RPS6KA5: variants seen among roughly 807,000 people sequenced by gnomAD.
RPS6KA5 encodes ribosomal protein S6 kinase alpha-5.
Under a neutral mutation model 85.5 loss-of-function variants are expected in RPS6KA5, and 27 were observed. The observed-to-expected ratio is 0.32, with a 90% confidence interval of 0.23 to 0.44. The LOEUF (loss-of-function observed/expected upper bound fraction) is 0.44, where lower values mean the gene tolerates loss of function less well. RPS6KA5 is among the 20% of genes least tolerant of loss of function. The pLI is 1.00. For missense variants in RPS6KA5, 811 were observed against 980.9 expected (o/e 0.83, Z 2.31); for synonymous variants, 334 against 348.2 (o/e 0.96, Z 0.46).
intron 14 of RPS6KA5, among the ~76,000 whole-genome samples, chr14:90,880,580 T>C (rs949943369): frequency 1.3e-5 from 2 of 152,214 alleles, no homozygotes; most frequent in East Asian, 1.9e-4. Context: ...TTAGATCTAG[T>C]TGGTTAAGTC....
intron 5 of RPS6KA5, among the ~76,000 whole-genome samples, chr14:90,923,821 G>A (rs1029361037): frequency 1.3e-5 from 2 of 151,948 alleles, no homozygotes; most frequent in Non-Finnish European, 2.9e-5. Context: ...AAAGATAGAT[G>A]TTTCCTTTTT....
Position 90,868,499 on chromosome 14 carries a change from T to C in RPS6KA5, c.*3575A>G, listed in dbSNP as rs1454123358. ...CAATTATTTTGACATAAGTGGCATATCAGAATTTAACTTATTTACTTAGAT... is the reference window on the plus strand; with the variant it reads ...CAATTATTTTGACATAAGTGGCATACCAGAATTTAACTTATTTACTTAGAT... On this transcript the variant is annotated 3_prime_UTR_variant, in exon 17 of 17. Transcript: ENST00000614987. 1 of 152,204 alleles carries C rather than the reference T, an allele frequency of 6.6e-6. No individual in the cohort carries two copies. The highest frequency in any genetic ancestry group is 1.5e-5 in the Non-Finnish European group (1 of 68,018). 9.4% of individuals were successfully genotyped at this position (152,204 alleles called of 1,614,324 possible).
intron 12 of RPS6KA5, among the ~76,000 whole-genome samples, chr14:90,897,314 A>G (rs1219334858): frequency 1.3e-5 from 2 of 152,180 alleles, no homozygotes; most frequent in African/African-American, 4.8e-5. Context: ...CTTTAAGCCA[A>G]TGGGCCTGAT....
At chr14:90,881,693 G>A (rs2033852121) in intron 14 of RPS6KA5, among the ~76,000 whole-genome samples, 1 of 151,934 alleles carries the variant, frequency 6.6e-6, no homozygotes, top group African/African-American at 2.4e-5. Context: ...TAGAGATGGG[G>A]TTTCACCATG....
chr14:90,969,028 T>C (rs922773633), intron 3 of RPS6KA5, among the ~76,000 whole-genome samples: 3 of 152,234 alleles, frequency 2.0e-5, no homozygotes, highest in Non-Finnish European at 4.4e-5. Context: ...TGAAATAATA[T>C]TTCCTTCTTG....
At chr14:91,000,747 A>G (rs2040753511) in intron 2 of RPS6KA5, among the ~76,000 whole-genome samples, 1 of 152,150 alleles carries the variant, frequency 6.6e-6, no homozygotes, top group African/African-American at 2.4e-5. Flanking sequence ...GGTTGCAGTG[A>G]GCTGAGATCA....
At chr14:90,997,698 A>T (rs2040589843) in intron 2 of RPS6KA5, among the ~76,000 whole-genome samples, 1 of 152,162 alleles carries the variant, frequency 6.6e-6, no homozygotes, top group South Asian at 2.1e-4. Flanking sequence ...CTGTACAATG[A>T]AACAGTAAGT....
chr14:90,965,258 AC>A (rs1332071882), intron 3 of RPS6KA5, among the ~76,000 whole-genome samples: 3 of 152,046 alleles, frequency 2.0e-5, no homozygotes, highest in Non-Finnish European at 4.4e-5. Context: ...GGTGATGGGC[AC>A]CTGTAATCCC....
chr14:90,981,407 T>C (rs2039784759), intron 2 of RPS6KA5, among the ~76,000 whole-genome samples: 1 of 152,018 alleles, frequency 6.6e-6, no homozygotes, highest in African/African-American at 2.4e-5. Context: ...TTGTGTGGGG[T>C]TGTAAATATT....
chr14:91,052,090 T>C (rs1023111634), intron 1 of RPS6KA5, among the ~76,000 whole-genome samples: 2 of 151,892 alleles, frequency 1.3e-5, no homozygotes, highest in Non-Finnish European at 2.9e-5. Context: ...AAATGACTTA[T>C]CCCAGGTCAT....
chr14:90,895,599 T>C (rs2140211455), intron 12 of RPS6KA5, among the ~76,000 whole-genome samples: 1 of 152,084 alleles, frequency 6.6e-6, no homozygotes, highest in Non-Finnish European at 1.5e-5. Context: ...CAAAAAATAA[T>C]ACAGGAATTA....
At chr14:91,054,285 T>C (rs1010293658) in intron 1 of RPS6KA5, among the ~76,000 whole-genome samples, 1 of 151,858 alleles carries the variant, frequency 6.6e-6, no homozygotes, top group African/African-American at 2.4e-5. Context: ...AATTAGTCAA[T>C]GATTTCTTAG....
At chr14:90,993,836 C>G (rs1489886284) in intron 2 of RPS6KA5, among the ~76,000 whole-genome samples, 1 of 152,140 alleles carries the variant, frequency 6.6e-6, no homozygotes, top group Non-Finnish European at 1.5e-5. Context: ...TTGAACAGTG[C>G]CTCTACTCAT....
At chr14:90,933,376 C>T (rs2037090465) in intron 5 of RPS6KA5, among the ~76,000 whole-genome samples, 1 of 152,140 alleles carries the variant, frequency 6.6e-6, no homozygotes, top group Non-Finnish European at 1.5e-5. Flanking sequence ...CAGCCTACCC[C>T]ATATTAGTTG....
At position 91,044,293 on chromosome 14, in the gene RPS6KA5, GAA is replaced by G. The variant is rs750045283; in HGVS notation, c.103+16037_103+16038del. Among the ~76,000 whole-genome samples, 136 of 65,750 alleles carry G rather than the reference GAA, an allele frequency of 2.1e-3. 1 individual carries two copies. Among genetic ancestry groups the G allele is most frequent in the Admixed American group, 5.5e-3 (38 of 6,934 alleles). 43.1% of individuals were successfully genotyped at this position (65,750 alleles called of 152,430 possible). ...AGAGAGAAAGAAAGAGAGAGAGAGAGAAAGAGAGAGAAAGAGAGAGAGAGAAA... is the reference window on the plus strand; with the variant it reads ...AGAGAGAAAGAAAGAGAGAGAGAGAGAGAGAGAGAAAGAGAGAGAGAGAAA... On this transcript the variant is annotated intron_variant, in intron 1 of 16. Transcript: ENST00000614987.
chr14:90,911,078 A>C (rs1171344756), intron 7 of RPS6KA5, among the ~76,000 whole-genome samples: 3 of 151,152 alleles, frequency 2.0e-5, no homozygotes, highest in Non-Finnish European at 4.4e-5. Context: ...TTACCCCCAT[A>C]CTCCTTATCC....
chr14:90,877,484 G>A (rs1281504237), intron 14 of RPS6KA5, among the ~76,000 whole-genome samples: 1 of 152,106 alleles, frequency 6.6e-6, no homozygotes, highest in East Asian at 1.9e-4. Context: ...CTTCCCTCCT[G>A]TATCCTTCAT....
chr14:90,872,060 C>A lies in RPS6KA5; in HGVS notation c.*14G>T. 6.2e-7 allele frequency: 1 copy of A among 1,605,576 alleles called. No individual in the cohort carries two copies. Among genetic ancestry groups the A allele is most frequent in the Non-Finnish European group, 8.5e-7 (1 of 1,176,682 alleles). ...ATAAAGGTGCAATGGATCACTGATA[C>A]ACTCCTACCATGCCTAAGCTACTGA... On this transcript the variant is annotated 3_prime_UTR_variant, in exon 17 of 17. Transcript: ENST00000614987.
In RPS6KA5 at chr14:90,931,279, A is replaced by G. The variant is rs530453048; in HGVS notation, c.619-8083T>C. ...GAGAACTATGCTAAGTGAAATAGTC[A>G]CAAAAATAAAATAAATACTGTACAA... On this transcript the variant is annotated intron_variant, in intron 5 of 16. Transcript: ENST00000614987. Among the ~76,000 whole-genome samples, 7 of 152,340 alleles carry G rather than the reference A, an allele frequency of 4.6e-5. No homozygotes were observed. In the East Asian group the frequency reaches 1.2e-3, roughly 25 times the overall value.
Sources: allele counts gnomAD v4.1 joint callset (sites outside exome capture counted in the v4.1 genomes callset), GRCh38; gene constraint gnomAD v4.1.1; transcripts MANE v1.5; gene names NCBI Gene and HGNC (gene_info 2026-07-23, HGNC 2026-07-21).